The following GLRX3 variants were observed in gnomAD, a reference collection of about 807,000 sequenced individuals.
GLRX3 encodes the protein glutaredoxin-3.
GLRX3 carries 22 observed loss-of-function variants against 49.5 expected under a neutral mutation model. The ratio of observed to expected loss-of-function variants is 0.44; its 90% CI spans 0.32 to 0.63. The LOEUF (loss-of-function observed/expected upper bound fraction) is 0.63. GLRX3 is among the 30% of genes least tolerant of loss of function. GLRX3 has a pLI of 0.05. For synonymous variants in GLRX3, 133 were observed against 140.0 expected, an observed-to-expected ratio of 0.95 and a Z score of 0.35; for missense variants, 385 against 396.3, an observed-to-expected ratio of 0.97 and a Z score of 0.24.
At chr10:130,164,980 A>T (rs1226180368) in intron 4 of GLRX3, among the ~76,000 whole-genome samples, 1 of 152,250 alleles carries the variant, frequency 6.6e-6, no homozygotes, top group Admixed American at 6.5e-5. Flanking sequence ...AGCAACTTAT[A>T]TGCTATACAA....
At chr10:130,157,787 T>C (rs1241358627) in intron 2 of GLRX3, among the ~76,000 whole-genome samples, 1 of 152,148 alleles carries the variant, frequency 6.6e-6, no homozygotes, top group African/African-American at 2.4e-5. Context: ...TCTCATGGTT[T>C]ATGGCACAGG....
rs1862888781 is a variant in GLRX3, at chr10:130,175,052, T to G, written c.920T>G (p.Val307Gly). 6.2e-7 allele frequency: 1 copy of G among 1,601,138 alleles called. No homozygotes were observed. Among genetic ancestry groups the G allele is most frequent in the Non-Finnish European group, 8.6e-7 (1 of 1,168,718 alleles). ...SNWPTYPQLY[V>G]KGELVGGLDI... Reference sequence around the variant, plus strand: ...TGGCCAACATACCCTCAGCTGTATGTGAAAGGGGAGCTGGTGGGAGGATTG... The same window carrying G: ...TGGCCAACATACCCTCAGCTGTATGGGAAAGGGGAGCTGGTGGGAGGATTG... The change falls in exon 10 of 11, where the codon GTG becomes GGG. Residue 307 changes from valine (V) to glycine (G), a missense_variant. Val to Gly is a moderately radical substitution (Grantham distance 109). Coordinates refer to ENST00000331244, the MANE Select transcript of GLRX3 (RefSeq NM_006541.5).
intron 2 of GLRX3, among the ~76,000 whole-genome samples, chr10:130,156,342 C>G (rs566463822): frequency 6.6e-6 from 1 of 152,150 alleles, no homozygotes; most frequent in Non-Finnish European, 1.5e-5. Flanking sequence ...AGGGCATAGC[C>G]GTCTTGGCCT....
chr10:130,156,201 T>G (rs1039670609), intron 2 of GLRX3, among the ~76,000 whole-genome samples: 1 of 152,216 alleles, frequency 6.6e-6, no homozygotes, highest in Non-Finnish European at 1.5e-5. Context: ...ATTCAGTGTC[T>G]GGCAAGGGCT....
At chr10:130,143,085 T>C (rs1337589222) in intron 1 of GLRX3, among the ~76,000 whole-genome samples, 2 of 152,198 alleles carry the variant, frequency 1.3e-5, no homozygotes, top group African/African-American at 4.8e-5. Context: ...TTCTGCACTA[T>C]GATTTGAGGC....
Position 130,179,569 on chromosome 10 carries a change from C to A in GLRX3, c.*177C>A. ...AATGTATGTTACATTTTTTTCCCACCAAAAATAGAATGCAATAAACATCTT... is the reference window on the plus strand; with the variant it reads ...AATGTATGTTACATTTTTTTCCCACAAAAAATAGAATGCAATAAACATCTT... On this transcript the variant is annotated 3_prime_UTR_variant, in exon 11 of 11. Transcript: ENST00000331244. 1 of 561,642 alleles carries A rather than the reference C, an allele frequency of 1.8e-6. No individual in the cohort carries two copies. 34.8% of individuals were successfully genotyped at this position (561,642 alleles called of 1,614,324 possible). A position where few individuals can be genotyped will look rare whatever the true frequency, so the allele number is the denominator to read the frequency against.
intron 8 of GLRX3, among the ~76,000 whole-genome samples, chr10:130,173,750 A>G (rs1862860439): frequency 6.6e-6 from 1 of 152,182 alleles, no homozygotes. Context: ...TTTAAAAAGC[A>G]TTAGGTTTAC....
chr10:130,179,964 A>G (rs1475899698), downstream of GLRX3: 1 of 152,556 alleles, frequency 6.6e-6, no homozygotes, highest in Non-Finnish European at 1.5e-5. Context: ...GTGAATTATC[A>G]AGAAACATTT....
chr10:130,150,065 C>T (rs1395474953), intron 2 of GLRX3, among the ~76,000 whole-genome samples: 2 of 151,156 alleles, frequency 1.3e-5, no homozygotes, highest in South Asian at 4.2e-4. Flanking sequence ...GGTGAAACCC[C>T]ATCTCTACTA....
chr10:130,168,422 T>C (rs1471307360), intron 6 of GLRX3, among the ~76,000 whole-genome samples: 2 of 152,164 alleles, frequency 1.3e-5, no homozygotes, highest in Non-Finnish European at 2.9e-5. Flanking sequence ...TGCATTTCAT[T>C]TGGGATGAGT....
intron 2 of GLRX3, among the ~76,000 whole-genome samples, chr10:130,154,675 C>G (rs557374491): frequency 6.6e-6 from 1 of 152,086 alleles, no homozygotes; most frequent in East Asian, 1.9e-4. Context: ...AGTCTTGCAG[C>G]TCAGTGCCAT....
chr10:130,157,828 G>GAT, intron 2 of GLRX3, among the ~76,000 whole-genome samples: 1 of 152,070 alleles, frequency 6.6e-6, no homozygotes, highest in Non-Finnish European at 1.5e-5. Context: ...AGCTATTTCT[G>GAT]ATAATCTTTG....
Position 130,160,963 on chromosome 10 carries a change from G to A in GLRX3, c.444G>A (p.Leu148=), listed in dbSNP as rs765006864. 1 of 1,613,630 alleles carries A rather than the reference G, an allele frequency of 6.2e-7. No individual in the cohort carries two copies. The highest frequency in any genetic ancestry group is 1.3e-5 in the African/African-American group (1 of 75,028). ...TGACTCATGCTGCCCCCTGCATGCT[G>A]TTTATGAAAGGAACTCCTCAAGAAC... ...KKLTHAAPCM[L]FMKGTPQEPR... Residue 148 remains leucine, a synonymous_variant, in exon 4 of 11, where the codon CTG becomes CTA. Coordinates refer to ENST00000331244, the MANE Select transcript of GLRX3 (RefSeq NM_006541.5).
intron 2 of GLRX3, among the ~76,000 whole-genome samples, chr10:130,158,600 T>A (rs190178038): frequency 3.5e-4 from 54 of 152,308 alleles, no homozygotes; most frequent in Middle Eastern, 3.4e-3. Flanking sequence ...AGATGTTAGT[T>A]GAAAGACAGA....
chr10:130,145,450 T>A, intron 2 of GLRX3, 131 bp downstream of exon 2: 1 of 524,926 alleles, frequency 1.9e-6, no homozygotes, highest in Non-Finnish European at 3.5e-6. Context: ...ATCACCTGAG[T>A]TCAGTAGTTT....
At chr10:130,152,859 T>A (rs1338350785) in intron 2 of GLRX3, among the ~76,000 whole-genome samples, 1 of 152,180 alleles carries the variant, frequency 6.6e-6, no homozygotes, top group Non-Finnish European at 1.5e-5. Flanking sequence ...CCCTGCTAGG[T>A]TGGGTAAGTT....
chr10:130,158,617 T>A (rs1674746149), intron 2 of GLRX3, among the ~76,000 whole-genome samples: 1 of 152,158 alleles, frequency 6.6e-6, no homozygotes, highest in Non-Finnish European at 1.5e-5. Flanking sequence ...CAGAAAATAA[T>A]GAGCTGGAGG....
intron 1 of GLRX3, among the ~76,000 whole-genome samples, chr10:130,141,458 A>G (rs779389885): frequency 1.3e-5 from 2 of 152,206 alleles, no homozygotes; most frequent in Non-Finnish European, 2.9e-5. Context: ...CACCATTCAC[A>G]GGAAGAATAT....
At chr10:130,156,703 T>G (rs1862477504) in intron 2 of GLRX3, among the ~76,000 whole-genome samples, 1 of 152,192 alleles carries the variant, frequency 6.6e-6, no homozygotes, top group Admixed American at 6.5e-5. Flanking sequence ...AAAAGTAGAA[T>G]AGAGAGAGGA....
Sources: gnomAD v4.1 joint callset for allele counts (sites outside exome capture counted in the v4.1 genomes callset) on GRCh38, gnomAD v4.1.1 for gene constraint, MANE v1.5 for transcripts, NCBI Gene and HGNC (gene_info 2026-07-23, HGNC 2026-07-21) for gene names.